The following SERPINB7 variants were observed in gnomAD, a reference collection of about 807,000 sequenced individuals.
SERPINB7 encodes serpin B7.
SERPINB7 carries 31 observed loss-of-function variants against 37.4 expected under a neutral mutation model. That is an observed-to-expected ratio of 0.83 (90% CI 0.62 to 1.12). The LOEUF (loss-of-function observed/expected upper bound fraction) is 1.12. SERPINB7 is among the 50% of genes most tolerant of loss of function. SERPINB7 has a pLI of 0.00. For missense variants in SERPINB7, 521 were observed against 455.3 expected, an observed-to-expected ratio of 1.14 and a Z score of -1.31; for synonymous variants, 163 against 166.1, an observed-to-expected ratio of 0.98 and a Z score of 0.14.
chr18:63,800,322 A>G (rs1332072747), intron 6 of SERPINB7, among the ~76,000 whole-genome samples: 1 of 152,124 alleles, frequency 6.6e-6, no homozygotes, highest in Non-Finnish European at 1.5e-5. Context: ...TGGACCTCCC[A>G]AAGTGCTGGG....
intron 1 of SERPINB7, among the ~76,000 whole-genome samples, chr18:63,760,404 G>A (rs1027325923): frequency 2.0e-5 from 3 of 152,182 alleles, no homozygotes; most frequent in Admixed American, 6.5e-5. Context: ...AAGGGAAGCA[G>A]AGCAAAAAGT....
chr18:63,772,817 A>G (rs971626844), upstream of SERPINB7, among the ~76,000 whole-genome samples: 3 of 152,146 alleles, frequency 2.0e-5, no homozygotes, highest in Non-Finnish European at 4.4e-5. Flanking sequence ...ATGATGTAGC[A>G]CAAATAAGTG....
intron 1 of SERPINB7, among the ~76,000 whole-genome samples, chr18:63,761,907 C>A (rs1017617796): frequency 3.9e-5 from 6 of 152,264 alleles, no homozygotes; most frequent in African/African-American, 1.4e-4. Flanking sequence ...ATACACCTGG[C>A]GTGTCCTGCT....
intron 1 of SERPINB7, among the ~76,000 whole-genome samples, chr18:63,766,945 T>A (rs1211482800): frequency 6.6e-6 from 1 of 152,150 alleles, no homozygotes; most frequent in African/African-American, 2.4e-5. Context: ...ACCTTCCACA[T>A]CCAATCAGCA....
At chr18:63,773,013 A>C (rs2049220357), upstream of SERPINB7, among the ~76,000 whole-genome samples, 1 of 152,144 alleles carries the variant, frequency 6.6e-6, no homozygotes, top group Non-Finnish European at 1.5e-5. Flanking sequence ...TTATAGCAAA[A>C]AGAGAAGAGA....
chr18:63,758,081 C>T (rs2049131840), intron 1 of SERPINB7, among the ~76,000 whole-genome samples: 1 of 152,218 alleles, frequency 6.6e-6, no homozygotes, highest in South Asian at 2.1e-4. Context: ...CTCTCTATCA[C>T]TCCTGCTCTC....
At chr18:63,771,240 T>G (rs542364902), upstream of SERPINB7, among the ~76,000 whole-genome samples, 114 of 152,198 alleles carry the variant, frequency 7.5e-4, no homozygotes, top group African/African-American at 2.6e-3. Context: ...TTTAAAAGAA[T>G]GTAGGAAGTA....
intron 7 of SERPINB7, among the ~76,000 whole-genome samples, chr18:63,801,302 T>A (rs2049546452): frequency 6.6e-6 from 1 of 152,178 alleles, no homozygotes; most frequent in African/African-American, 2.4e-5. Context: ...TTAGGCCTTT[T>A]TGGTGTTTGG....
chr18:63,768,841 C>T (rs1419356466), intron 1 of SERPINB7, among the ~76,000 whole-genome samples: 1 of 152,056 alleles, frequency 6.6e-6, no homozygotes, highest in South Asian at 2.1e-4. Flanking sequence ...TACTACTAAG[C>T]TCTTTGTTAC....
At chr18:63,794,176 G>A (rs1275747043) in intron 4 of SERPINB7, among the ~76,000 whole-genome samples, 2 of 142,196 alleles carry the variant, frequency 1.4e-5, no homozygotes, top group African/African-American at 2.7e-5. Flanking sequence ...TGGCCTGGCT[G>A]GTCTCAAACT....
chr18:63,778,717 G>T (rs936180026), intron 1 of SERPINB7, among the ~76,000 whole-genome samples: 1 of 151,922 alleles, frequency 6.6e-6, no homozygotes, highest in African/African-American at 2.4e-5. Flanking sequence ...TATTTTTATT[G>T]TTGTTTTGAT....
At position 63,792,304 on chromosome 18, in the gene SERPINB7, G is replaced by A; in HGVS notation, c.169-89G>A. The A allele has an allele frequency of 4.2e-6, 4 of 959,624 alleles. No individual in the cohort carries two copies. The South Asian group carries it at 5.8e-5, about 14-fold the overall frequency. The allele number at this position is 959,624 out of a possible 1,614,324, so 59.4% of individuals were successfully genotyped here. A position where few individuals can be genotyped will look rare whatever the true frequency, so the allele number is the denominator to read the frequency against. ...AATGGCAATTAGACACATTTATTGG[G>A]AAAGAATATTTTTATTTTTAAAACC... On this transcript the variant is annotated intron_variant, in intron 2 of 7. Coordinates refer to ENST00000398019, the MANE Select transcript of SERPINB7 (RefSeq NM_003784.4).
intron 1 of SERPINB7, among the ~76,000 whole-genome samples, chr18:63,756,330 G>A (rs2049121871): frequency 6.6e-6 from 1 of 152,162 alleles, no homozygotes; most frequent in Non-Finnish European, 1.5e-5. Context: ...TCATTAGACT[G>A]TGTGGGTGTG....
chr18:63,792,477 G>A (rs894505314), intron 3 of SERPINB7, 34 bp downstream of exon 3: 18 of 1,419,432 alleles, frequency 1.3e-5, no homozygotes, highest in Admixed American at 1.2e-4. Flanking sequence ...AAAAAGAGAA[G>A]GTGAGCCAGG....
At chr18:63,782,717 G>A (rs568754719) in intron 2 of SERPINB7, among the ~76,000 whole-genome samples, 177 bp downstream of exon 2, 2 of 152,344 alleles carry the variant, frequency 1.3e-5, no homozygotes, top group South Asian at 2.1e-4. Context: ...TGCAGTACTT[G>A]TTTTTGAGCC....
rs947835943 is a variant in SERPINB7 at position 63,805,289 on chromosome 18, T to G, written c.*654T>G. On this transcript the variant is annotated 3_prime_UTR_variant, in exon 8 of 8. Transcript: ENST00000398019. ...TAAAGATCTTTTAACTGTTGGCAGTTGTTATCTACAGAATCATATCTCATA... is the reference window on the plus strand; with the variant it reads ...TAAAGATCTTTTAACTGTTGGCAGTGGTTATCTACAGAATCATATCTCATA... 6.6e-6 allele frequency: 1 copy of G among 152,342 alleles called. No homozygotes were observed. Among genetic ancestry groups the G allele is most frequent in the African/African-American group, 2.4e-5 (1 of 41,444 alleles). The allele number at this position is 152,342 out of a possible 1,614,324, so 9.4% of individuals were successfully genotyped here. A position where few individuals can be genotyped will look rare whatever the true frequency, so the allele number is the denominator to read the frequency against.
At position 63,801,224 on chromosome 18, in the gene SERPINB7, TTTCAGTTGAG is replaced by T. The variant is rs2049545410; in HGVS notation, c.744+214_744+223del. On this transcript the variant is annotated intron_variant, in intron 7 of 7. Transcript: ENST00000398019. ...ATTGACTTAACTCAGTTTAGCATAA[TTTCAGTTGAG>T]TAGTGATCAAATTGGAACTCTCTCA... Among the ~76,000 whole-genome samples the T allele has an allele frequency of 2.6e-5, 4 of 152,310 alleles. No homozygotes were observed. In the South Asian group the frequency reaches 8.3e-4, roughly 32 times the overall value.
intron 1 of SERPINB7, among the ~76,000 whole-genome samples, chr18:63,764,744 C>T (rs2049171793): frequency 6.6e-6 from 1 of 152,052 alleles, no homozygotes; most frequent in African/African-American, 2.4e-5. Context: ...TATCACACAT[C>T]TTTTGGGAAA....
intron 5 of SERPINB7, among the ~76,000 whole-genome samples, chr18:63,796,837 G>A (rs2049493918): frequency 6.6e-6 from 1 of 152,004 alleles, no homozygotes; most frequent in Admixed American, 6.6e-5. Flanking sequence ...TAAAGATAGG[G>A]CTGATTTTCA....
Sources: gnomAD v4.1 joint callset for allele counts (sites outside exome capture counted in the v4.1 genomes callset) on GRCh38, gnomAD v4.1.1 for gene constraint, MANE v1.5 for transcripts, NCBI Gene and HGNC (gene_info 2026-07-23, HGNC 2026-07-21) for gene names.